The following SH2D1B variants were observed in gnomAD, a reference collection of about 807,000 sequenced individuals.
The protein encoded by SH2D1B is SH2 domain-containing protein 1B.
Under a neutral mutation model 16.3 loss-of-function variants are expected in SH2D1B, and 11 were observed. The ratio of observed to expected loss-of-function variants is 0.67; its 90% CI spans 0.42 to 1.11. The LOEUF is 1.11. Ranked by LOEUF, SH2D1B falls within the 50% of genes most tolerant of loss-of-function variation. The pLI is 0.00. For missense variants in SH2D1B, 123 were observed against 153.1 expected (o/e 0.80, Z 1.04); for synonymous variants, 55 against 56.1 (o/e 0.98, Z 0.09).
At chr1:162,405,747 T>TGAAC (rs2101862406) in intron 1 of SH2D1B, among the ~76,000 whole-genome samples, 2 of 152,356 alleles carry the variant, frequency 1.3e-5, no homozygotes, top group East Asian at 3.9e-4. Context: ...GGCATTAATT[T>TGAAC]CTCAGTTGAG....
intron 2 of SH2D1B, among the ~76,000 whole-genome samples, chr1:162,400,190 CA>C (rs777988790): frequency 3.6e-4 from 55 of 150,992 alleles, no homozygotes; most frequent in Non-Finnish European, 2.8e-4. Flanking sequence ...AAAACAAAAC[CA>C]AAAAAGTCCC....
intron 2 of SH2D1B, among the ~76,000 whole-genome samples, chr1:162,400,090 T>G (rs1178730255): frequency 6.6e-6 from 1 of 152,230 alleles, no homozygotes; most frequent in African/African-American, 2.4e-5. Context: ...TTAGGTTGAT[T>G]CCATGTCTTT....
In SH2D1B at chr1:162,396,045, T is replaced by C. The variant is rs1399771236; in HGVS notation, c.*1235A>G. The C allele has an allele frequency of 1.3e-5, 2 of 152,232 alleles. No individual in the cohort carries two copies. The highest frequency in any genetic ancestry group is 6.5e-5 in the Admixed American group (1 of 15,282). The allele number at this position is 152,232 out of a possible 1,614,324, so 9.4% of individuals were successfully genotyped here. ...GAAAAGTAAAAGAGGACATTTGTCC[T>C]ACCTACCAGACCCAGGGAATAGTAG... On this transcript the variant is annotated 3_prime_UTR_variant, in exon 4 of 4. Coordinates refer to ENST00000367929, the MANE Select transcript of SH2D1B (RefSeq NM_053282.5).
In SH2D1B at chr1:162,407,180, C is replaced by T. The variant is rs114109307; in HGVS notation, c.135-4378G>A. On this transcript the variant is annotated intron_variant, in intron 1 of 3. Transcript: ENST00000367929. ...GGGGAACCAGCCCCCAATATTTCAACGTAGGTTCTTTTCTATTCTCCCTAA... is the reference window on the plus strand; with the variant it reads ...GGGGAACCAGCCCCCAATATTTCAATGTAGGTTCTTTTCTATTCTCCCTAA... Among the ~76,000 whole-genome samples the T allele has an allele frequency of 8.5e-3, 1,290 of 152,274 alleles. 19 individuals carry two copies. Among genetic ancestry groups the T allele is most frequent in the African/African-American group, 0.029 (1,218 of 41,544 alleles).
chr1:162,400,286 C>CTTTTT (rs1241054289), intron 2 of SH2D1B, among the ~76,000 whole-genome samples: 68 of 83,280 alleles, frequency 8.2e-4, no homozygotes, highest in East Asian at 2.0e-3. Flanking sequence ...ACACCACGTA[C>CTTTTT]TTTTTTTTTT....
At chr1:162,411,769 T>G in intron 1 of SH2D1B, 114 bp downstream of exon 1, 1 of 1,391,064 alleles carries the variant, frequency 7.2e-7, no homozygotes, top group Non-Finnish European at 1.0e-6. Flanking sequence ...ATTCTACTCA[T>G]TGAGACTCCA....
intron 1 of SH2D1B, among the ~76,000 whole-genome samples, chr1:162,404,611 A>G (rs1208486880): frequency 1.3e-5 from 2 of 152,196 alleles, no homozygotes; most frequent in East Asian, 3.8e-4. Context: ...TTAAGTTTTT[A>G]AAAATAAAAA....
chr1:162,402,500 A>G (rs538514574), intron 2 of SH2D1B: 25 of 355,564 alleles, frequency 7.0e-5, no homozygotes, highest in Middle Eastern at 5.3e-4. Context: ...CCTGGACGAC[A>G]GAGCGAGACT....
At chr1:162,403,511 AATATATATATATATATATAT>A (rs201259868) in intron 1 of SH2D1B, among the ~76,000 whole-genome samples, 6 of 42,030 alleles carry the variant, frequency 1.4e-4, no homozygotes, top group Admixed American at 3.8e-4. Context: ...AAAAAAAAAA[AATATATATATATATATATAT>A]ATATATATAT....
rs933633340 is a variant in SH2D1B, at chr1:162,395,545, C to G, written c.*1735G>C. ...TTTAATGTATACAGGAGGCCCTAAC[C>G]AATGGGTAAACATAAAAAATAAATG... On this transcript the variant is annotated 3_prime_UTR_variant, in exon 4 of 4. Transcript: ENST00000367929. The G allele has an allele frequency of 5.9e-5, 9 of 151,994 alleles. No homozygotes were observed. The highest frequency in any genetic ancestry group is 2.2e-4 in the African/African-American group (9 of 41,368). The allele number at this position is 151,994 out of a possible 1,614,324, so 9.4% of individuals were successfully genotyped here. A position where few individuals can be genotyped will look rare whatever the true frequency, so the allele number is the denominator to read the frequency against.
intron 2 of SH2D1B, among the ~76,000 whole-genome samples, chr1:162,401,993 A>T (rs530479050): frequency 9.6e-4 from 147 of 152,340 alleles, no homozygotes; most frequent in Non-Finnish European, 7.3e-5. Flanking sequence ...GAAAAATTAA[A>T]CAAACCCTAA....
In SH2D1B at chr1:162,411,824, G is replaced by A. The variant is rs535350034; in HGVS notation, c.134+59C>T. 10 of 1,609,002 alleles carry A rather than the reference G, an allele frequency of 6.2e-6. No individual in the cohort carries two copies. In the African/African-American group the frequency reaches 1.2e-4, roughly 19 times the overall value. ...AGGGATATGAATTCCTGTACTGTGT[G>A]GCAGCCATTGCCACATTCAACATAC... On this transcript the variant is annotated intron_variant, in intron 1 of 3. Transcript: ENST00000367929.
rs12745630 is a variant in SH2D1B, at chr1:162,412,043, C to G, written c.-27G>C. ...GAGAACGCTCTTGTATCCCAGGAAG[C>G]CCTGTTGGCCTGAAATTCACCCCCA... is the stretch of plus-strand genomic sequence containing the variant. On this transcript the variant is annotated 5_prime_UTR_variant, in exon 1 of 4. Transcript: ENST00000367929. 459,891 of 1,612,406 alleles carry G rather than the reference C, an allele frequency of 0.29. 68,327 individuals carry two copies. The highest frequency in any genetic ancestry group is 0.3 in the South Asian group (27,653 of 91,050).
intron 2 of SH2D1B, chr1:162,402,496 C>T (rs1014096007): frequency 3.5e-5 from 12 of 339,386 alleles, no homozygotes; most frequent in Non-Finnish European, 5.4e-5. Flanking sequence ...CCAGCCTGGA[C>T]GACAGAGCGA....
At chr1:162,397,606 C>T (rs1024682478) in intron 3 of SH2D1B, among the ~76,000 whole-genome samples, 1 of 152,178 alleles carries the variant, frequency 6.6e-6, no homozygotes, top group Non-Finnish European at 1.5e-5. Flanking sequence ...TCTAAGGAAG[C>T]AATGGGAATG....
At chr1:162,410,110 C>G (rs1384623183) in intron 1 of SH2D1B, among the ~76,000 whole-genome samples, 1 of 152,174 alleles carries the variant, frequency 6.6e-6, no homozygotes, top group East Asian at 1.9e-4. Context: ...ACCCCTCACC[C>G]TAGCTATCTG....
At chr1:162,406,122 A>G (rs1648648638) in intron 1 of SH2D1B, among the ~76,000 whole-genome samples, 2 of 152,198 alleles carry the variant, frequency 1.3e-5, no homozygotes, top group African/African-American at 4.8e-5. Flanking sequence ...TGGCCTTATC[A>G]CTGTTCCTGA....
rs12745630 is a variant in SH2D1B, at chr1:162,412,043, C to A, written c.-27G>T. On this transcript the variant is annotated 5_prime_UTR_variant, in exon 1 of 4. Coordinates refer to ENST00000367929, the MANE Select transcript of SH2D1B (RefSeq NM_053282.5). ...GAGAACGCTCTTGTATCCCAGGAAG[C>A]CCTGTTGGCCTGAAATTCACCCCCA... The A allele has an allele frequency of 1.2e-6, 2 of 1,612,722 alleles. No homozygotes were observed. The highest frequency in any genetic ancestry group is 1.7e-6 in the Non-Finnish European group (2 of 1,179,120).
In SH2D1B at chr1:162,398,986, T is replaced by C. The variant is rs200732178; in HGVS notation, c.300A>G (p.Pro100=). The C allele has an allele frequency of 5.4e-4, 876 of 1,614,176 alleles. 7 individuals are homozygous for C. The South Asian group carries it at 6.1e-3, about 11-fold the overall frequency. ...TCAAGCTGGGGCTGGTTCTCTTTAT[T>C]GGCTTTAAAAGGTGAACCACCATCC... ...NQGMVVHLLK[P]IKRTSPSLRW... The change falls in exon 3 of 4, where the codon CCA becomes CCG. Residue 100 remains proline, a synonymous_variant. Coordinates refer to ENST00000367929, the MANE Select transcript of SH2D1B (RefSeq NM_053282.5).
Sources: gnomAD v4.1 joint callset for allele counts (sites outside exome capture counted in the v4.1 genomes callset) on GRCh38, gnomAD v4.1.1 for gene constraint, MANE v1.5 for transcripts, NCBI Gene and HGNC (gene_info 2026-07-23, HGNC 2026-07-21) for gene names.